The following MSRA variants were observed in gnomAD, a reference collection of about 807,000 sequenced individuals.
The protein encoded by MSRA is methionine sulfoxide reductase A, also known as mitochondrial peptide methionine sulfoxide reductase.
MSRA carries 54 observed loss-of-function variants against 31.3 expected under a neutral mutation model. That is an observed-to-expected ratio of 1.73 (90% CI 1.39 to 2.17). MSRA has a LOEUF of 2.17. Ranked by LOEUF, MSRA falls within the 30% of genes most tolerant of loss-of-function variation. MSRA has a pLI of 0.00. For synonymous variants in MSRA, 169 were observed against 116.5 expected, an observed-to-expected ratio of 1.45 and a Z score of -2.90; for missense variants, 507 against 300.9, an observed-to-expected ratio of 1.69 and a Z score of -5.07.
chr8:10,340,731 A>G (rs926077369), intron 5 of MSRA, among the ~76,000 whole-genome samples: 3 of 152,248 alleles, frequency 2.0e-5, no homozygotes, highest in Admixed American at 6.5e-5. Flanking sequence ...TTTTGATTCA[A>G]TTCAAAAGGT....
chr8:10,333,673 C>G (rs1032684993), intron 5 of MSRA, among the ~76,000 whole-genome samples: 2 of 152,142 alleles, frequency 1.3e-5, no homozygotes, highest in Non-Finnish European at 2.9e-5. Flanking sequence ...CTGGGCAATG[C>G]CAGATGCTTC....
At chr8:10,171,617 C>T (rs1172675970) in intron 1 of MSRA, among the ~76,000 whole-genome samples, 2 of 152,188 alleles carry the variant, frequency 1.3e-5, no homozygotes, top group Non-Finnish European at 2.9e-5. Flanking sequence ...TTTGATAGCA[C>T]AGGCAACCAC....
intron 3 of MSRA, among the ~76,000 whole-genome samples, chr8:10,253,387 C>A (rs1798017642): frequency 6.6e-6 from 1 of 152,190 alleles, no homozygotes; most frequent in Non-Finnish European, 1.5e-5. Flanking sequence ...CAGCTTAAAT[C>A]ACTGCTGAGG....
intron 5 of MSRA, among the ~76,000 whole-genome samples, chr8:10,410,444 C>CG (rs1702810455): frequency 6.6e-6 from 1 of 152,172 alleles, no homozygotes; most frequent in Admixed American, 6.6e-5. Context: ...TGTGACATTC[C>CG]GTCACATCGC....
intron 3 of MSRA, 31 bp downstream of exon 3, chr8:10,245,254 G>C: frequency 6.2e-7 from 1 of 1,603,290 alleles, no homozygotes. Context: ...TGTATTACTA[G>C]GAGAAACAAG....
At chr8:10,218,501 CATTA>C (rs1810203290) in intron 2 of MSRA, among the ~76,000 whole-genome samples, 1 of 152,108 alleles carries the variant, frequency 6.6e-6, no homozygotes, top group Non-Finnish European at 1.5e-5. Context: ...TGCCTCAGTC[CATTA>C]TTTTCTTAGA....
At chr8:10,100,365 C>T (rs935631441) in intron 1 of MSRA, among the ~76,000 whole-genome samples, 1 of 152,104 alleles carries the variant, frequency 6.6e-6, no homozygotes, top group African/African-American at 2.4e-5. Flanking sequence ...CTGCCCAAGC[C>T]CTGTGCCTTG....
intron 2 of MSRA, among the ~76,000 whole-genome samples, chr8:10,209,004 T>G (rs1338862652): frequency 2.6e-5 from 4 of 152,236 alleles, no homozygotes; most frequent in African/African-American, 9.6e-5. Context: ...GATTAGCAGC[T>G]GCAGAGTCAT....
intron 2 of MSRA, among the ~76,000 whole-genome samples, chr8:10,209,187 A>G (rs757948432): frequency 1.3e-5 from 2 of 152,206 alleles, no homozygotes; most frequent in African/African-American, 4.8e-5. Flanking sequence ...AAAACGTTTG[A>G]TTTGCTAACT....
At chr8:10,057,301 C>T (rs1390218248) in intron 1 of MSRA, among the ~76,000 whole-genome samples, 1 of 152,120 alleles carries the variant, frequency 6.6e-6, no homozygotes, top group Non-Finnish European at 1.5e-5. Context: ...GAGATGGTCT[C>T]ATTGTGCTTC....
At chr8:10,328,202 C>T (rs1466197033) in intron 5 of MSRA, among the ~76,000 whole-genome samples, 1 of 151,004 alleles carries the variant, frequency 6.6e-6, no homozygotes, top group East Asian at 2.0e-4. Context: ...TTGATTATTG[C>T]CACCCCCTGT....
intron 4 of MSRA, among the ~76,000 whole-genome samples, chr8:10,313,862 C>T (rs1221818140): frequency 6.6e-6 from 1 of 152,182 alleles, no homozygotes; most frequent in Non-Finnish European, 1.5e-5. Context: ...AACAGACCCA[C>T]TCATGTCAAA....
intron 5 of MSRA, chr8:10,337,931 A>G (rs796240811): frequency 3.5e-5 from 23 of 647,942 alleles, no homozygotes; most frequent in African/African-American, 2.9e-4. Flanking sequence ...TGCAAGACTA[A>G]TAAGACTTGG....
chr8:10,226,615 G>A (rs1226419361), intron 2 of MSRA, among the ~76,000 whole-genome samples: 1 of 152,214 alleles, frequency 6.6e-6, no homozygotes, highest in African/African-American at 2.4e-5. Flanking sequence ...CAGTGCCCAT[G>A]AACAGACACA....
At chr8:10,127,094 A>C (rs1169304963) in intron 1 of MSRA, among the ~76,000 whole-genome samples, 1 of 152,240 alleles carries the variant, frequency 6.6e-6, no homozygotes, top group Non-Finnish European at 1.5e-5. Context: ...TAGAATTCAT[A>C]ACTTTGTATT....
intron 1 of MSRA, among the ~76,000 whole-genome samples, chr8:10,100,666 C>T (rs768736060): frequency 1.3e-5 from 2 of 152,078 alleles, no homozygotes; most frequent in Admixed American, 1.3e-4. Flanking sequence ...TCATCAGATT[C>T]TGAATAATTG....
At chr8:10,203,458 A>T (rs1299662733) in intron 1 of MSRA, among the ~76,000 whole-genome samples, 1 of 152,244 alleles carries the variant, frequency 6.6e-6, no homozygotes, top group African/African-American at 2.4e-5. Context: ...GATTATGTAT[A>T]TGATGGTGGT....
chr8:10,210,558 A>G lies in MSRA; in HGVS notation c.211+2657A>G, dbSNP rs917496765. 8.5e-5 allele frequency among the ~76,000 whole-genome samples: 13 copies of G among 152,282 alleles called. No homozygotes were observed. The East Asian group carries it at 1.9e-3, about 23-fold the overall frequency. On this transcript the variant is annotated intron_variant, in intron 2 of 5. Coordinates refer to ENST00000317173, the MANE Select transcript of MSRA (RefSeq NM_012331.5). ...GGTTGGAGCAAGATCTCCTACGGCTATCATGCTTTTCCATTTGACCACAGT... is the reference window on the plus strand; with the variant it reads ...GGTTGGAGCAAGATCTCCTACGGCTGTCATGCTTTTCCATTTGACCACAGT...
intron 1 of MSRA, among the ~76,000 whole-genome samples, chr8:10,151,554 C>T (rs1406413530): frequency 6.6e-6 from 1 of 152,002 alleles, no homozygotes; most frequent in African/African-American, 2.4e-5. Flanking sequence ...GGAGGCTGAG[C>T]CAGGAGAATG....
Sources: gnomAD v4.1 joint callset for allele counts (sites outside exome capture counted in the v4.1 genomes callset) on GRCh38, gnomAD v4.1.1 for gene constraint, MANE v1.5 for transcripts, NCBI Gene and HGNC (gene_info 2026-07-23, HGNC 2026-07-21) for gene names.